Variants in ZNF28 observed in about 807,000 individuals in gnomAD.
The protein encoded by ZNF28 is zinc finger protein KOX24.
A neutral mutation model predicts 7.2 loss-of-function variants in ZNF28; 5 were observed. The ratio of observed to expected loss-of-function variants is 0.70; its 90% confidence interval spans 0.36 to 1.46. The LOEUF is 1.46. Ranked by LOEUF, ZNF28 falls within the 40% of genes most tolerant of loss-of-function variation. ZNF28 has a pLI of 0.03. For missense variants in ZNF28, 879 were observed against 866.6 expected (o/e 1.01, Z -0.18); for synonymous variants, 288 against 292.4 (o/e 0.99, Z 0.15).
intron 2 of ZNF28, chr19:52,809,791 C>T (rs140094156): frequency 0.028 from 13,929 of 502,324 alleles, 261 homozygotes; most frequent in Middle Eastern, 0.036. Flanking sequence ...GGTGACAGAG[C>T]GAAAAAAAAG....
rs1186310652 is a variant in ZNF28, at chr19:52,799,045, CCTGT to C, written c.*639_*642del. ...ATGTTTTTTCTCCAGTATGAATTCTCCTGTCTTTCAAGCTGTGATTTGTGACTGA... is the reference window on the plus strand; with the variant it reads ...ATGTTTTTTCTCCAGTATGAATTCTCCTTTCAAGCTGTGATTTGTGACTGA... On this transcript the variant is annotated 3_prime_UTR_variant, in exon 4 of 4. Transcript: ENST00000457749. 1.1e-5 allele frequency: 6 copies of C among 547,230 alleles called. No homozygotes were observed. The highest frequency in any genetic ancestry group is 7.8e-5 in the South Asian group (4 of 51,394). 33.9% of individuals were successfully genotyped at this position (547,230 alleles called of 1,614,324 possible). A position where few individuals can be genotyped will look rare whatever the true frequency, so the allele number is the denominator to read the frequency against.
At chr19:52,815,318 T>C (rs1221828513) in intron 2 of ZNF28, among the ~76,000 whole-genome samples, 1 of 142,370 alleles carries the variant, frequency 7.0e-6, no homozygotes, top group Non-Finnish European at 1.5e-5. Flanking sequence ...GAGTTCAACA[T>C]CAGCCTGGCC....
In ZNF28 at chr19:52,798,893, G is replaced by A; in HGVS notation, c.*795C>T. ...ATGGATTGCTTGATGGTGAATAAGTGGTGACTGCCCACTAAAGGCTTTGCC... is the reference window on the plus strand; with the variant it reads ...ATGGATTGCTTGATGGTGAATAAGTAGTGACTGCCCACTAAAGGCTTTGCC... On this transcript the variant is annotated 3_prime_UTR_variant, in exon 4 of 4. Coordinates refer to ENST00000457749, the MANE Select transcript of ZNF28 (RefSeq NM_006969.5). The A allele has an allele frequency of 7.0e-7, 1 of 1,425,726 alleles. No individual in the cohort carries two copies. Among genetic ancestry groups the A allele is most frequent in the Non-Finnish European group, 9.5e-7 (1 of 1,054,168 alleles). 88.3% of individuals were successfully genotyped at this position (1,425,726 alleles called of 1,614,324 possible).
chr19:52,806,170 A>T (rs937670279), intron 3 of ZNF28: 5 of 146,070 alleles, frequency 3.4e-5, no homozygotes, highest in African/African-American at 1.3e-4. Flanking sequence ...GGAGAAGAAG[A>T]AGTCATTTTT....
chr19:52,810,497 T>C lies in ZNF28; in HGVS notation c.16-2364A>G, dbSNP rs903422605. On this transcript the variant is annotated intron_variant, in intron 2 of 3. Coordinates refer to ENST00000457749, the MANE Select transcript of ZNF28 (RefSeq NM_006969.5). ...TTCCTTGGCCTTGGATGAGTCCCTA[T>C]TTAGAGGAAGGCAAATCAAGGTGAT... The C allele has an allele frequency of 2.8e-5, 44 of 1,585,874 alleles. 1 individual carries two copies. Among genetic ancestry groups the C allele is most frequent in the Middle Eastern group, 3.3e-4 (2 of 6,036 alleles).
Position 52,810,890 on chromosome 19 carries a change from CCCCTCCCCCTCCCTCTCCCTCTCCCT to C in ZNF28, c.16-2783_16-2758del, listed in dbSNP as rs1568655889. Among the ~76,000 whole-genome samples the C allele has an allele frequency of 3.8e-3, 57 of 15,184 alleles. 1 individual carries two copies. The highest frequency in any genetic ancestry group is 0.026 in the Middle Eastern group (1 of 38). 10.0% of individuals were successfully genotyped at this position (15,184 alleles called of 152,430 possible). The stretch of plus-strand genomic sequence containing the variant: ...CCCCCTCCCCCTCCCCCTCCCCCTC[CCCCTCCCCCTCCCTCTCCCTCTCCCT>C]CCACAGTCTCCCTCTGATGCCGAGC... On this transcript the variant is annotated intron_variant, in intron 2 of 3. Coordinates refer to ENST00000457749, the MANE Select transcript of ZNF28 (RefSeq NM_006969.5).
At chr19:52,809,912 CG>C (rs1315015959) in intron 2 of ZNF28, 81 of 836,388 alleles carry the variant, frequency 9.7e-5, no homozygotes, top group Non-Finnish European at 1.3e-4. Context: ...ATCTTGTGCC[CG>C]GGGCCGGTGG....
Position 52,799,920 on chromosome 19 carries a change from T to C in ZNF28, c.1925A>G (p.Lys642Arg). ...EKPYKCNECG[K>R]TFSQMSSLVY... ...GAGGGATGACATCTGACTGAAGGTC[T>C]TGCCACACTCATTACACTTGTAAGG... The change falls in exon 4 of 4, where the codon AAG becomes AGG. Residue 642 changes from lysine to arginine, a missense_variant. Transcript: ENST00000457749. 6.2e-7 allele frequency: 1 copy of C among 1,613,964 alleles called. No homozygotes were observed. The highest frequency in any genetic ancestry group is 8.5e-7 in the Non-Finnish European group (1 of 1,179,896).
Position 52,801,095 on chromosome 19 carries a change from C to T in ZNF28, c.750G>A (p.Lys250=), listed in dbSNP as rs1479598908. Residue 250 remains lysine, a synonymous_variant, in exon 4 of 4, where the codon AAG becomes AAA. Coordinates refer to ENST00000457749, the MANE Select transcript of ZNF28 (RefSeq NM_006969.5). ...CAAGGTATCGCTTCTGATTAAATACCTTGCCATATACATCACATTTACATT... is the reference window on the plus strand; with the variant it reads ...CAAGGTATCGCTTCTGATTAAATACTTTGCCATATACATCACATTTACATT... ...EKQCKCDVYG[K]VFNQKRYLAC... 6 of 1,614,050 alleles carry T rather than the reference C, an allele frequency of 3.7e-6. No homozygotes were observed. The highest frequency in any genetic ancestry group is 5.1e-6 in the Non-Finnish European group (6 of 1,180,014).
At chr19:52,803,755 G>A (rs965589095) in intron 3 of ZNF28, among the ~76,000 whole-genome samples, 2 of 151,932 alleles carry the variant, frequency 1.3e-5, no homozygotes, top group African/African-American at 4.8e-5. Context: ...TCAGGAGTTC[G>A]AGACCAGCCT....
chr19:52,813,154 C>A (rs2063075327), intron 2 of ZNF28, among the ~76,000 whole-genome samples: 1 of 144,728 alleles, frequency 6.9e-6, no homozygotes, highest in Non-Finnish European at 1.5e-5. Flanking sequence ...TGACGCTACT[C>A]ATAGTAATTG....
In ZNF28 at chr19:52,801,647, T is replaced by A. The variant is rs766628095; in HGVS notation, c.198A>T (p.Thr66=). 4 of 1,613,500 alleles carry A rather than the reference T, an allele frequency of 2.5e-6. No individual in the cohort carries two copies. The East Asian group carries it at 8.9e-5, about 36-fold the overall frequency. ...KTFFSTGQGN[T]EAFHTGTLQR... is the part of the protein sequence containing the mutation. ...GCAATGTCCCTGTGTGGAACGCTTC[T>A]GTATTGCCTTGCCCTGTTGAGAAGA... The change falls in exon 4 of 4, where the codon ACA becomes ACT. Residue 66 remains threonine, a synonymous_variant. Coordinates refer to ENST00000457749, the MANE Select transcript of ZNF28 (RefSeq NM_006969.5).
chr19:52,821,015 G>C (rs1029903376), intron 1 of ZNF28, among the ~76,000 whole-genome samples: 8 of 152,104 alleles, frequency 5.3e-5, no homozygotes, highest in African/African-American at 1.9e-4. Flanking sequence ...GGGCGGGCAA[G>C]AACACCCCGC....
chr19:52,801,803 T>C (rs2062875983), intron 3 of ZNF28, 101 bp from the exon 4 acceptor site: 1 of 1,140,436 alleles, frequency 8.8e-7, no homozygotes, highest in African/African-American at 1.5e-5. Context: ...ATTTTAAACT[T>C]CCCAAACATG....
chr19:52,798,612 CTCCTG>C lies in ZNF28; in HGVS notation c.*1071_*1075del, dbSNP rs2147609282. ...ACAATCATCACACTTGTGAGTTTCTCTCCTGTATGAATCCTCCTATGTTTTGCATA... is the reference window on the plus strand; with the variant it reads ...ACAATCATCACACTTGTGAGTTTCTCTATGAATCCTCCTATGTTTTGCATA... On this transcript the variant is annotated 3_prime_UTR_variant, in exon 4 of 4. Transcript: ENST00000457749. 2.3e-6 allele frequency: 1 copy of C among 437,582 alleles called. No individual in the cohort carries two copies. Among genetic ancestry groups the C allele is most frequent in the African/African-American group, 2.2e-5 (1 of 45,694 alleles). 27.1% of individuals were successfully genotyped at this position (437,582 alleles called of 1,614,324 possible).
chr19:52,800,698 A>G lies in ZNF28; in HGVS notation c.1147T>C (p.Tyr383His), dbSNP rs751832871. 1 of 1,613,800 alleles carries G rather than the reference A, an allele frequency of 6.2e-7. No homozygotes were observed. Among genetic ancestry groups the G allele is most frequent in the East Asian group, 2.2e-5 (1 of 44,862 alleles). ...HRRLHTGEKP[Y>H]ECEECEKVFS... ...ACTTTTTCACATTCTTCACATTCAT[A>G]AGGTTTCTCTCCAGTATGAAGCCTA... is the stretch of plus-strand genomic sequence containing the variant. Residue 383 changes from tyrosine to histidine, a missense_variant, in exon 4 of 4, where the codon TAT becomes CAT. Around this residue, in one of 2 missense-constraint regions of ZNF28, gnomAD observed 864 missense variants for 830.2 expected, o/e 1.04. Transcript: ENST00000457749.
chr19:52,806,949 C>T (rs1207856869), intron 3 of ZNF28, among the ~76,000 whole-genome samples: 3 of 152,058 alleles, frequency 2.0e-5, no homozygotes, highest in Non-Finnish European at 2.9e-5. Flanking sequence ...GAGAGATAAG[C>T]GGGGGCAAAG....
Position 52,799,911 on chromosome 19 carries a change from C to T in ZNF28, c.1934G>A (p.Ser645Asn), listed in dbSNP as rs138509923. 2.5e-4 allele frequency: 401 copies of T among 1,613,802 alleles called. 1 individual carries two copies. The African/African-American group carries it at 4.8e-3, about 19-fold the overall frequency. Reference sequence around the variant, plus strand: ...ATGGTATACGAGGGATGACATCTGACTGAAGGTCTTGCCACACTCATTACA... The same window carrying T: ...ATGGTATACGAGGGATGACATCTGATTGAAGGTCTTGCCACACTCATTACA... Reference protein sequence around the residue: ...YKCNECGKTFSQMSSLVYHHR... With the variant: ...YKCNECGKTFNQMSSLVYHHR... Residue 645 changes from serine (S) to asparagine (N), a missense_variant, in exon 4 of 4, where the codon AGT becomes AAT. Coordinates refer to ENST00000457749, the MANE Select transcript of ZNF28 (RefSeq NM_006969.5).
At chr19:52,815,863 C>T (rs945916811) in intron 2 of ZNF28, among the ~76,000 whole-genome samples, 1 of 146,820 alleles carries the variant, frequency 6.8e-6, no homozygotes, top group African/African-American at 2.6e-5. Context: ...GCCTTGACAA[C>T]GGTGTGATGA....
Sources: gnomAD v4.1 joint callset for allele counts (sites outside exome capture counted in the v4.1 genomes callset) on GRCh38, gnomAD v4.1.1 for gene constraint, gnomAD v4.1.1 regional missense constraint, MANE v1.5 for transcripts, NCBI Gene and HGNC (gene_info 2026-07-23, HGNC 2026-07-21) for gene names.